ZNF846: variants seen among roughly 807,000 people sequenced by gnomAD.
ZNF846 encodes zinc finger protein 846.
In ZNF846, 15 loss-of-function variants were observed where a neutral mutation model predicts 16.0. The ratio of observed to expected loss-of-function variants is 0.94; its 90% CI spans 0.63 to 1.45. ZNF846 has a LOEUF of 1.45. ZNF846 is among the 40% of genes most tolerant of loss of function. The pLI, the probability that ZNF846 is intolerant of heterozygous loss-of-function variation, is 0.00. For missense variants in ZNF846, 714 were observed against 622.3 expected (o/e 1.15, Z -1.57); for synonymous variants, 229 against 212.0 (o/e 1.08, Z -0.70).
chr19:9,755,346 G>A (rs1372928354), downstream of ZNF846, among the ~76,000 whole-genome samples: 1 of 151,488 alleles, frequency 6.6e-6, no homozygotes, highest in Non-Finnish European at 1.5e-5. Context: ...AAGACACATA[G>A]AAAGGCAATC....
chr19:9,765,454 C>T (rs1377678312), intron 1 of ZNF846, among the ~76,000 whole-genome samples: 14 of 152,042 alleles, frequency 9.2e-5, no homozygotes, highest in Admixed American at 7.2e-4. Flanking sequence ...GGGTGGATCA[C>T]GAGGTTAGGA....
At chr19:9,756,062 A>T (rs12460088), downstream of ZNF846, 16,281 of 147,806 alleles carry the variant, frequency 0.11, 1,306 homozygotes, top group Admixed American at 0.23. Context: ...CTGGTCTCAA[A>T]CTCCTGACCT....
At chr19:9,761,335 C>T (rs2045223816) in intron 4 of ZNF846, among the ~76,000 whole-genome samples, 2 of 148,742 alleles carry the variant, frequency 1.3e-5, no homozygotes, top group Admixed American at 1.4e-4. Context: ...TCCAAACATG[C>T]ATAAAACATG....
At chr19:9,772,921 C>T (rs2045400948), upstream of ZNF846, among the ~76,000 whole-genome samples, 1 of 151,840 alleles carries the variant, frequency 6.6e-6, no homozygotes, top group African/African-American at 2.4e-5. Context: ...ACAAAAAAGA[C>T]AAAAATTAGT....
chr19:9,776,091 T>C (rs1176521839), intron 1 of ZNF846, among the ~76,000 whole-genome samples: 2 of 152,222 alleles, frequency 1.3e-5, no homozygotes, highest in African/African-American at 2.4e-5. Context: ...CTAGCGGTAA[T>C]GCCAGCGTCT....
chr19:9,766,640 G>T (rs1167696861), intron 1 of ZNF846, among the ~76,000 whole-genome samples: 1 of 152,140 alleles, frequency 6.6e-6, no homozygotes, highest in Non-Finnish European at 1.5e-5. Context: ...CACTTTGGGA[G>T]GCCGAGGTGA....
rs538168179 is a variant in ZNF846 at position 9,760,286 on chromosome 19, C to T, written c.230-344G>A. Among the ~76,000 whole-genome samples, 226 of 136,534 alleles carry T rather than the reference C, an allele frequency of 1.7e-3. 7 individuals carry two copies. The highest frequency in any genetic ancestry group is 5.9e-3 in the African/African-American group (206 of 34,990). The allele number at this position is 136,534 out of a possible 152,430, so 89.6% of individuals were successfully genotyped here. A position where few individuals can be genotyped will look rare whatever the true frequency, so the allele number is the denominator to read the frequency against. On this transcript the variant is annotated intron_variant, in intron 4 of 5. Coordinates refer to ENST00000397902, the Ensembl canonical transcript of ZNF846. The stretch of plus-strand genomic sequence containing the variant: ...CAGCCTGGGCTACAGAGCAAGACTT[C>T]GTCTCAAAAAAAAAAAATGCCTAAG...
At chr19:9,757,814 T>C in exon 6 of ZNF846, 1 of 1,613,520 alleles carries the variant, frequency 6.2e-7, no homozygotes, top group Non-Finnish European at 8.5e-7. Context: ...TGCATTCATA[T>C]GGCTTCTCTC....
At chr19:9,763,765 T>A (rs904709031) in intron 2 of ZNF846, among the ~76,000 whole-genome samples, 3 of 152,158 alleles carry the variant, frequency 2.0e-5, no homozygotes, top group Non-Finnish European at 1.5e-5. Flanking sequence ...GACATCTCCA[T>A]CCCTTTCTTA....
At chr19:9,763,501 C>T (rs2045265122) in intron 2 of ZNF846, 93 bp from the exon 3 acceptor site, 5 of 1,235,064 alleles carry the variant, frequency 4.0e-6, no homozygotes, top group Non-Finnish European at 5.5e-6. Flanking sequence ...GACTAGAAGC[C>T]TGCAGTACTC....
intron 1 of ZNF846, among the ~76,000 whole-genome samples, chr19:9,778,767 C>A (rs1221609482): frequency 7.5e-6 from 1 of 133,940 alleles, no homozygotes; most frequent in Non-Finnish European, 1.5e-5. Flanking sequence ...CATGCCATTG[C>A]AGTGCAGCTT....
chr19:9,775,923 T>G (rs1251759393), intron 1 of ZNF846, among the ~76,000 whole-genome samples: 1 of 152,242 alleles, frequency 6.6e-6, no homozygotes, highest in Non-Finnish European at 1.5e-5. Context: ...TTACTCTTTA[T>G]TCCAATATTA....
intron 1 of ZNF846, among the ~76,000 whole-genome samples, chr19:9,785,300 C>G (rs2045546611): frequency 6.6e-6 from 1 of 150,948 alleles, no homozygotes; most frequent in Admixed American, 6.6e-5. Flanking sequence ...CAGGTTCAAG[C>G]GATTCTCCTG....
intron 1 of ZNF846, among the ~76,000 whole-genome samples, chr19:9,782,163 C>T (rs929862451): frequency 6.6e-6 from 1 of 152,126 alleles, no homozygotes; most frequent in South Asian, 2.1e-4. Context: ...AGAGTGATTG[C>T]TGAAAAATAG....
downstream of ZNF846, chr19:9,756,474 C>T (rs1219292153): frequency 6.7e-6 from 1 of 149,528 alleles, no homozygotes; most frequent in African/African-American, 2.5e-5. Context: ...GTAAAGATTT[C>T]CCACATCTTA....
chr19:9,767,893 A>G (rs896274202), intron 1 of ZNF846, among the ~76,000 whole-genome samples: 2 of 152,176 alleles, frequency 1.3e-5, no homozygotes, highest in South Asian at 2.1e-4. Flanking sequence ...ATATCACGCC[A>G]TTGCACTCCA....
At chr19:9,774,481 AAAT>A in intron 1 of ZNF846, 2 of 976,290 alleles carry the variant, frequency 2.0e-6, no homozygotes, top group Admixed American at 2.0e-5. Flanking sequence ...AAAAAAAAAA[AAAT>A]ACCAAATCCA....
chr19:9,782,646 A>T (rs891863200), intron 1 of ZNF846, among the ~76,000 whole-genome samples: 2 of 151,630 alleles, frequency 1.3e-5, no homozygotes, highest in African/African-American at 4.8e-5. Context: ...CTGCACCACC[A>T]GGGGAAGAAA....
At chr19:9,763,477 G>T in intron 2 of ZNF846, 69 bp from the exon 3 acceptor site, 1 of 1,459,436 alleles carries the variant, frequency 6.9e-7, no homozygotes, top group Non-Finnish European at 9.2e-7. Context: ...AAAAATGCAT[G>T]AAGGACTAAG....
Sources: allele counts gnomAD v4.1 joint callset (sites outside exome capture counted in the v4.1 genomes callset), GRCh38; gene constraint gnomAD v4.1.1; transcripts MANE v1.5; gene names NCBI Gene and HGNC (gene_info 2026-07-23, HGNC 2026-07-21).